PRKD3: variants seen among roughly 807,000 people sequenced by gnomAD.
The protein encoded by PRKD3 is protein kinase D3.
Under a neutral mutation model 99.2 loss-of-function variants are expected in PRKD3, and 47 were observed. The ratio of observed to expected loss-of-function variants is 0.47; its 90% confidence interval spans 0.38 to 0.60. PRKD3 has a LOEUF of 0.60. Ranked by LOEUF, PRKD3 falls within the 20% of genes least tolerant of loss-of-function variation. The probability of loss-of-function intolerance (pLI) is 0.00; values close to 1 mark genes in which losing one functional copy is unlikely to be tolerated. For missense variants in PRKD3, 1,019 were observed against 1,088.4 expected, an observed-to-expected ratio of 0.94 and a Z score of 0.90; for synonymous variants, 392 against 355.4, an observed-to-expected ratio of 1.10 and a Z score of -1.16.
chr2:37,311,541 T>A (rs1671425572), intron 2 of PRKD3, among the ~76,000 whole-genome samples: 1 of 152,104 alleles, frequency 6.6e-6, no homozygotes, highest in South Asian at 2.1e-4. Flanking sequence ...ATAACACTAT[T>A]TAGCTCTCTG....
At chr2:37,295,892 A>G (rs1670653154) in intron 2 of PRKD3, among the ~76,000 whole-genome samples, 1 of 152,242 alleles carries the variant, frequency 6.6e-6, no homozygotes, top group Non-Finnish European at 1.5e-5. Context: ...ACCAGAGAGC[A>G]AGATGCTGAA....
At position 37,253,276 on chromosome 2, in the gene PRKD3, A is replaced by C; in HGVS notation, c.2574T>G (p.Asp858Glu). ...IGERYITHES[D>E]DARWEIHAYT... is the part of the protein sequence containing the mutation. ...ATGCATGTATTTCCCAGCGAGCATCATCACTTTCATGTGTAATGTAACGTT... is the reference window on the plus strand; with the variant it reads ...ATGCATGTATTTCCCAGCGAGCATCCTCACTTTCATGTGTAATGTAACGTT... Residue 858 changes from aspartate (D) to glutamate (E), a missense_variant, in exon 19 of 19, where the codon GAT becomes GAG. Transcript: ENST00000234179. 1 of 1,613,230 alleles carries C rather than the reference A, an allele frequency of 6.2e-7. No individual in the cohort carries two copies. Among genetic ancestry groups the C allele is most frequent in the South Asian group, 1.1e-5 (1 of 90,976 alleles).
At chr2:37,257,681 A>AG (rs1222883851) in intron 16 of PRKD3, among the ~76,000 whole-genome samples, 2 of 131,630 alleles carry the variant, frequency 1.5e-5, no homozygotes, top group African/African-American at 8.8e-5. Context: ...GAAAAAAAAA[A>AG]AAAAAAAAAA....
Position 37,316,326 on chromosome 2 carries a change from C to T in PRKD3, c.199G>A (p.Gly67Ser). The T allele has an allele frequency of 6.2e-7, 1 of 1,614,210 alleles. No individual in the cohort carries two copies. Reference sequence around the variant, plus strand: ...ATGGTAACACTCTCCCGTGTGAGGCCAATTTGCAGTAGAAATGAAACTGTA... The same window carrying T: ...ATGGTAACACTCTCCCGTGTGAGGCTAATTTGCAGTAGAAATGAAACTGTA... ...VHTVSFLLQI[G>S]LTRESVTIEA... The change falls in exon 2 of 19, where the codon GGC becomes AGC. Residue 67 changes from glycine to serine, a missense_variant. Physicochemically the swap from Gly to Ser is moderately conservative, Grantham distance 56. This residue lies in a region of PRKD3 where 710 missense variants were observed against 692.7 expected (regional missense o/e 1.02). Coordinates refer to ENST00000234179, the MANE Select transcript of PRKD3 (RefSeq NM_005813.6).
At chr2:37,271,637 A>G (rs936595776) in intron 12 of PRKD3, among the ~76,000 whole-genome samples, 7 of 152,226 alleles carry the variant, frequency 4.6e-5, no homozygotes, top group Non-Finnish European at 7.3e-5. Flanking sequence ...CAGCAGAGGC[A>G]TTAGATTCTC....
chr2:37,265,406 G>C (rs1380891543), intron 14 of PRKD3, among the ~76,000 whole-genome samples: 1 of 151,974 alleles, frequency 6.6e-6, no homozygotes, highest in Non-Finnish European at 1.5e-5. Context: ...AATTCAGATT[G>C]TACTAATAGA....
At chr2:37,256,449 G>C (rs574404686) in intron 17 of PRKD3, among the ~76,000 whole-genome samples, 1 of 152,234 alleles carries the variant, frequency 6.6e-6, no homozygotes, top group East Asian at 1.9e-4. Flanking sequence ...GCCTATGTAA[G>C]TGCTATGCCT....
chr2:37,253,273 A>G lies in PRKD3; in HGVS notation c.2577T>C (p.Asp859=), dbSNP rs1393112349. The change falls in exon 19 of 19, where the codon GAT becomes GAC. Residue 859 remains aspartate (D), a synonymous_variant. Coordinates refer to ENST00000234179, the MANE Select transcript of PRKD3 (RefSeq NM_005813.6). Reference sequence around the variant, plus strand: ...TGTATGCATGTATTTCCCAGCGAGCATCATCACTTTCATGTGTAATGTAAC... The same window carrying G: ...TGTATGCATGTATTTCCCAGCGAGCGTCATCACTTTCATGTGTAATGTAAC... The part of the protein sequence containing the change: ...GERYITHESD[D]ARWEIHAYTH... 1.9e-6 allele frequency: 3 copies of G among 1,613,340 alleles called. No homozygotes were observed. In the East Asian group the frequency reaches 6.7e-5, roughly 36 times the overall value.
rs1001688092 is a variant in PRKD3, at chr2:37,311,624, G to A, written c.288+4613C>T. Among the ~76,000 whole-genome samples, 15 of 152,264 alleles carry A rather than the reference G, an allele frequency of 9.9e-5. 1 individual carries two copies. Among genetic ancestry groups the A allele is most frequent in the Admixed American group, 5.9e-4 (9 of 15,300 alleles). On this transcript the variant is annotated intron_variant, in intron 2 of 18. Transcript: ENST00000234179. ...TCACATTAACCTATAATCAGCTGCA[G>A]ACCTCTCTGAAATTTTTAATTTTAA...
chr2:37,296,663 C>T (rs969304964), intron 2 of PRKD3, among the ~76,000 whole-genome samples: 2 of 151,792 alleles, frequency 1.3e-5, no homozygotes, highest in African/African-American at 2.4e-5. Context: ...TTTGGGAGGC[C>T]GCGGCGGGAA....
In PRKD3 at chr2:37,293,159, C is replaced by T. The variant is rs762436813; in HGVS notation, c.401G>A (p.Gly134Glu). 22 of 1,596,980 alleles carry T rather than the reference C, an allele frequency of 1.4e-5. No homozygotes were observed. The highest frequency in any genetic ancestry group is 1.9e-5 in the Non-Finnish European group (22 of 1,166,290). Residue 134 changes from glycine (G) to glutamate (E), a missense_variant, in exon 3 of 19, where the codon GGA (glycine) becomes GAA (glutamate). Coordinates refer to ENST00000234179, the MANE Select transcript of PRKD3 (RefSeq NM_005813.6). Reference sequence around the variant, plus strand: ...TGAAAGAACCACTTCCACTAGGTCTCCTTCATGTATTTCATCTGCTGAGGT... The same window carrying T: ...TGAAAGAACCACTTCCACTAGGTCTTCTTCATGTATTTCATCTGCTGAGGT... ...LITSADEIHEGDLVEVVLSAL... is the reference protein window; with the variant it reads ...LITSADEIHEEDLVEVVLSAL...
intron 2 of PRKD3, among the ~76,000 whole-genome samples, chr2:37,300,404 T>G (rs1423493241): frequency 1.3e-5 from 2 of 152,132 alleles, no homozygotes; most frequent in Non-Finnish European, 2.9e-5. Flanking sequence ...ATAAAAGGGT[T>G]GGTTAATGAT....
At chr2:37,261,544 G>A (rs1668453795) in intron 14 of PRKD3, among the ~76,000 whole-genome samples, 1 of 151,890 alleles carries the variant, frequency 6.6e-6, no homozygotes, top group Non-Finnish European at 1.5e-5. Context: ...ATTTTGCGAG[G>A]CCAAGGCAGG....
chr2:37,267,691 G>A, intron 13 of PRKD3, 155 bp from the exon 14 acceptor site: 1 of 588,662 alleles, frequency 1.7e-6, no homozygotes, highest in Non-Finnish European at 2.9e-6. Context: ...CTTTAATTTA[G>A]GAAAAAATTG....
Position 37,253,348 on chromosome 2 carries a change from G to C in PRKD3, c.2502C>G (p.Asp834Glu), listed in dbSNP as rs761299125. ...CTCTAAGGTCAAGCCAAGTCTGATAGTCCTAGGAGAAAATGAAATTGTAAT... is the reference window on the plus strand; with the variant it reads ...CTCTAAGGTCAAGCCAAGTCTGATACTCCTAGGAGAAAATGAAATTGTAAT... ...DKSLSHPWLQ[D>E]YQTWLDLREF... Residue 834 changes from aspartate (D) to glutamate (E), a missense_variant and splice_region_variant, in exon 19 of 19, where the codon GAC becomes GAG. Transcript: ENST00000234179. 1.3e-6 allele frequency: 2 copies of C among 1,596,404 alleles called. No homozygotes were observed. The highest frequency in any genetic ancestry group is 2.7e-5 in the African/African-American group (2 of 74,294).
At chr2:37,313,856 T>C (rs1475878258) in intron 2 of PRKD3, among the ~76,000 whole-genome samples, 3 of 152,180 alleles carry the variant, frequency 2.0e-5, no homozygotes, top group Admixed American at 1.3e-4. Context: ...AGAACACACC[T>C]TCAACTTAAT....
chr2:37,290,283 C>CA (rs1426948994), intron 4 of PRKD3, among the ~76,000 whole-genome samples: 1 of 152,160 alleles, frequency 6.6e-6, no homozygotes, highest in African/African-American at 2.4e-5. Context: ...GGCTGGAGTG[C>CA]AATGGTGCAA....
intron 1 of PRKD3, chr2:37,324,353 G>A (rs974312644): frequency 7.3e-6 from 3 of 409,800 alleles, no homozygotes; most frequent in South Asian, 2.1e-4. Context: ...GGTCTCCAGC[G>A]GAGCGCGAAC....
chr2:37,297,562 A>T (rs1017181064), intron 2 of PRKD3, among the ~76,000 whole-genome samples: 11 of 152,154 alleles, frequency 7.2e-5, no homozygotes, highest in Non-Finnish European at 1.3e-4. Context: ...CTGTTTAAGA[A>T]TCCCATCCAT....
Sources: allele counts gnomAD v4.1 joint callset (sites outside exome capture counted in the v4.1 genomes callset), GRCh38; gene constraint gnomAD v4.1.1; regional missense constraint gnomAD v4.1.1; transcripts MANE v1.5; gene names NCBI Gene and HGNC (gene_info 2026-07-23, HGNC 2026-07-21).